The following MAN2A1 variants were observed in gnomAD, a reference collection of about 807,000 sequenced individuals.
The protein encoded by MAN2A1 is alpha-mannosidase 2.
In MAN2A1, 76 loss-of-function variants were observed where a neutral mutation model predicts 142.6. That is an observed-to-expected ratio of 0.53 (90% CI 0.44 to 0.65). The LOEUF (loss-of-function observed/expected upper bound fraction) is 0.65. Among genes scored for constraint, MAN2A1 ranks in the 30% least tolerant of loss-of-function variants. The pLI is 0.00. For missense variants in MAN2A1, 1,311 were observed against 1,365.1 expected, an observed-to-expected ratio of 0.96 and a Z score of 0.62; for synonymous variants, 559 against 473.2, an observed-to-expected ratio of 1.18 and a Z score of -2.35.
chr5:109,774,968 A>G lies in MAN2A1; in HGVS notation c.1374+3A>G, dbSNP rs752895309. The G allele has an allele frequency of 1.6e-5, 25 of 1,574,086 alleles. No homozygotes were observed. In the African/African-American group the frequency reaches 1.9e-4, roughly 12 times the overall value. On this transcript the variant is annotated splice_donor_region_variant and intron_variant, in intron 8 of 21. Coordinates refer to ENST00000261483, the MANE Select transcript of MAN2A1 (RefSeq NM_002372.4). ...CTCAGTCCAAGTTTAAAGTTAAGGT[A>G]AGGAGAAAATATTTATGATTCCGTA...
intron 12 of MAN2A1, among the ~76,000 whole-genome samples, chr5:109,799,754 C>CAAA (rs35788147): frequency 8.7e-6 from 1 of 115,450 alleles, no homozygotes; most frequent in Admixed American, 8.8e-5. Context: ...AACTCCGTCT[C>CAAA]AAAAAAAAAA....
intron 1 of MAN2A1, among the ~76,000 whole-genome samples, chr5:109,709,517 G>A (rs892390631): frequency 2.0e-5 from 3 of 152,218 alleles, no homozygotes; most frequent in Non-Finnish European, 4.4e-5. Flanking sequence ...CATGCTGGAA[G>A]GATCACAGTG....
At chr5:109,796,596 C>T (rs1341534086) in intron 12 of MAN2A1, among the ~76,000 whole-genome samples, 2 of 150,776 alleles carry the variant, frequency 1.3e-5, no homozygotes, top group African/African-American at 2.4e-5. Flanking sequence ...GGAAACTTAA[C>T]GATAGATCAT....
intron 12 of MAN2A1, among the ~76,000 whole-genome samples, chr5:109,800,049 C>T (rs1248255803): frequency 6.7e-6 from 1 of 148,888 alleles, no homozygotes; most frequent in South Asian, 2.1e-4. Context: ...GATTGCGCCA[C>T]TGCACTCCAG....
intron 10 of MAN2A1, 146 bp from the exon 11 acceptor site, chr5:109,788,788 G>C (rs933278671): frequency 1.8e-6 from 1 of 555,394 alleles, no homozygotes; most frequent in Non-Finnish European, 3.2e-6. Flanking sequence ...GGGGAAAAAA[G>C]AGCAGGTTTG....
intron 20 of MAN2A1, among the ~76,000 whole-genome samples, chr5:109,860,126 A>G (rs1322522148): frequency 1.3e-5 from 2 of 151,490 alleles, no homozygotes; most frequent in Admixed American, 6.6e-5. Flanking sequence ...ATTTTACTTT[A>G]TTTGTCTTTC....
chr5:109,753,782 G>T (rs192989018), intron 4 of MAN2A1, among the ~76,000 whole-genome samples: 1 of 152,246 alleles, frequency 6.6e-6, no homozygotes, highest in East Asian at 1.9e-4. Flanking sequence ...ATCCAGTGAT[G>T]TATGTCCTTT....
intron 1 of MAN2A1, among the ~76,000 whole-genome samples, chr5:109,691,538 T>A (rs1750672768): frequency 6.6e-6 from 1 of 152,208 alleles, no homozygotes. Flanking sequence ...TGATATATAT[T>A]TTTTTCTCTT....
intron 1 of MAN2A1, among the ~76,000 whole-genome samples, chr5:109,709,571 A>G (rs1365293942): frequency 1.3e-5 from 2 of 152,214 alleles, no homozygotes; most frequent in African/African-American, 4.8e-5. Context: ...GCAAATAATT[A>G]TGTAATAAAT....
At chr5:109,758,320 C>A (rs970688476) in intron 5 of MAN2A1, among the ~76,000 whole-genome samples, 18 of 151,964 alleles carry the variant, frequency 1.2e-4, no homozygotes, top group Non-Finnish European at 2.4e-4. Flanking sequence ...GCGTATAGAT[C>A]TTTTAAGGAT....
intron 4 of MAN2A1, among the ~76,000 whole-genome samples, chr5:109,754,179 A>G (rs1408959984): frequency 2.0e-5 from 3 of 152,114 alleles, no homozygotes; most frequent in Non-Finnish European, 2.9e-5. Flanking sequence ...CCCAGAGTGC[A>G]TGAACTACAG....
At chr5:109,776,490 A>T (rs765153556) in intron 8 of MAN2A1, among the ~76,000 whole-genome samples, 3 of 152,088 alleles carry the variant, frequency 2.0e-5, no homozygotes, top group Non-Finnish European at 4.4e-5. Flanking sequence ...TCTTACTAGG[A>T]AGTGATTTTG....
intron 12 of MAN2A1, among the ~76,000 whole-genome samples, chr5:109,803,000 T>A (rs1754071223): frequency 6.6e-6 from 1 of 152,088 alleles, no homozygotes; most frequent in African/African-American, 2.4e-5. Flanking sequence ...AAAGTGTTTG[T>A]CATTAGGCTA....
chr5:109,755,325 C>G lies in MAN2A1; in HGVS notation c.708-4C>G. 6.2e-7 allele frequency: 1 copy of G among 1,606,606 alleles called. No homozygotes were observed. Among genetic ancestry groups the G allele is most frequent in the Admixed American group, 1.7e-5 (1 of 59,718 alleles). On this transcript the variant is annotated splice_region_variant and splice_polypyrimidine_tract_variant and intron_variant, in intron 4 of 21. Coordinates refer to ENST00000261483, the MANE Select transcript of MAN2A1 (RefSeq NM_002372.4). ...AATGTAGACTCTTGTTATTTTCTCT[C>G]TAGTTTAATAGAAAATGGTCAGCTT...
chr5:109,766,525 G>T (rs963904881), intron 5 of MAN2A1, among the ~76,000 whole-genome samples: 2 of 151,812 alleles, frequency 1.3e-5, no homozygotes, highest in African/African-American at 4.8e-5. Context: ...TTCTTCTTTA[G>T]TGTTGTTTAC....
At chr5:109,783,870 CA>C (rs962784755) in intron 9 of MAN2A1, among the ~76,000 whole-genome samples, 52 of 151,822 alleles carry the variant, frequency 3.4e-4, no homozygotes, top group African/African-American at 1.2e-3. Flanking sequence ...CTACAAAGGA[CA>C]TTTTTTTTTT....
At chr5:109,724,566 G>T (rs947494295) in intron 3 of MAN2A1, among the ~76,000 whole-genome samples, 6 of 152,130 alleles carry the variant, frequency 3.9e-5, no homozygotes, top group African/African-American at 1.4e-4. Flanking sequence ...TATTACCAAT[G>T]TATTATTTAT....
chr5:109,760,980 A>G (rs1428220760), intron 5 of MAN2A1, among the ~76,000 whole-genome samples: 2 of 151,912 alleles, frequency 1.3e-5, no homozygotes, highest in African/African-American at 2.4e-5. Flanking sequence ...TATATGCTAT[A>G]TGAATATTTT....
At chr5:109,830,324 T>C (rs1383000799) in intron 16 of MAN2A1, among the ~76,000 whole-genome samples, 1 of 152,210 alleles carries the variant, frequency 6.6e-6, no homozygotes, top group Admixed American at 6.5e-5. Context: ...GGACTCAGTT[T>C]CTTAATCTAT....
Sources: allele counts gnomAD v4.1 joint callset (sites outside exome capture counted in the v4.1 genomes callset), GRCh38; gene constraint gnomAD v4.1.1; transcripts MANE v1.5; gene names NCBI Gene and HGNC (gene_info 2026-07-23, HGNC 2026-07-21).